The following TENT4B variants were observed in gnomAD, a reference collection of about 807,000 sequenced individuals.
TENT4B encodes the protein PAP associated domain containing 5.
A neutral mutation model predicts 75.0 loss-of-function variants in TENT4B; 10 were observed. The ratio of observed to expected loss-of-function variants is 0.13; its 90% CI spans 0.08 to 0.23. TENT4B has a LOEUF of 0.23. TENT4B is among the 10% of genes least tolerant of loss of function. TENT4B has a pLI of 1.00. For missense variants in TENT4B, 579 were observed against 893.8 expected (o/e 0.65, Z 4.49); for synonymous variants, 350 against 357.7 (o/e 0.98, Z 0.24).
Position 50,231,932 on chromosome 16 carries a change from A to G in TENT4B, c.*2604A>G. 2 of 979,298 alleles carry G rather than the reference A, an allele frequency of 2.0e-6. No homozygotes were observed. The highest frequency in any genetic ancestry group is 2.4e-6 in the Non-Finnish European group (2 of 824,328). 60.7% of individuals were successfully genotyped at this position (979,298 alleles called of 1,614,324 possible). On this transcript the variant is annotated 3_prime_UTR_variant, in exon 12 of 12. Transcript: ENST00000561678. The stretch of plus-strand genomic sequence containing the variant: ...CCTATATTTTGTGAATATATCAGAA[A>G]TGTGTCATTTATATATTAGAGTCCA...
At chr16:50,203,514 A>G (rs1596717133) in intron 1 of TENT4B, among the ~76,000 whole-genome samples, 1 of 152,220 alleles carries the variant, frequency 6.6e-6, no homozygotes, top group Admixed American at 6.5e-5. Flanking sequence ...TTACATGTTC[A>G]TTGTGAATAT....
chr16:50,202,210 C>A (rs2030698068), intron 1 of TENT4B, among the ~76,000 whole-genome samples: 1 of 152,096 alleles, frequency 6.6e-6, no homozygotes, highest in Non-Finnish European at 1.5e-5. Context: ...ATGTAGGAGT[C>A]CTTGAATGTA....
At chr16:50,175,473 T>C (rs985812143) in intron 1 of TENT4B, among the ~76,000 whole-genome samples, 1 of 152,160 alleles carries the variant, frequency 6.6e-6, no homozygotes, top group Non-Finnish European at 1.5e-5. Context: ...GTGAAAGATA[T>C]AAGATCTATG....
chr16:50,182,083 A>G (rs1289178155), intron 1 of TENT4B, among the ~76,000 whole-genome samples: 2 of 152,142 alleles, frequency 1.3e-5, no homozygotes, highest in African/African-American at 4.8e-5. Context: ...CCTAGGCAAC[A>G]TGGTGAAACC....
At position 50,229,880 on chromosome 16, in the gene TENT4B, A is replaced by C; in HGVS notation, c.*552A>C. 2.2e-6 allele frequency: 2 copies of C among 915,042 alleles called. No individual in the cohort carries two copies. Among genetic ancestry groups the C allele is most frequent in the Non-Finnish European group, 2.6e-6 (2 of 765,676 alleles). The allele number at this position is 915,042 out of a possible 1,614,324, so 56.7% of individuals were successfully genotyped here. A position where few individuals can be genotyped will look rare whatever the true frequency, so the allele number is the denominator to read the frequency against. On this transcript the variant is annotated 3_prime_UTR_variant, in exon 12 of 12. Transcript: ENST00000561678. ...GATATTTGTAATAGTGGATTTGTTA[A>C]TAATACTTTTTACATAACATTACTG...
In TENT4B at chr16:50,163,669, G is replaced by A. The variant is rs544944867; in HGVS notation, c.638+9410G>A. Among the ~76,000 whole-genome samples the A allele has an allele frequency of 1.4e-4, 21 of 151,214 alleles. No homozygotes were observed. In the South Asian group the frequency reaches 4.2e-3, roughly 30 times the overall value. On this transcript the variant is annotated intron_variant, in intron 1 of 11. Coordinates refer to ENST00000561678, the MANE Select transcript of TENT4B (RefSeq NM_001365324.3). ...CTGCCTCGGCCTCCCAAAGTACTGG[G>A]ATTACAGGCATGAGCCACCGCGCCC...
rs931443306 is a variant in TENT4B, at chr16:50,214,166, TATG to T, written c.763-52_763-50del. 8.1e-6 allele frequency: 11 copies of T among 1,351,370 alleles called. No individual in the cohort carries two copies. The Admixed American group carries it at 9.7e-5, about 12-fold the overall frequency. 83.7% of individuals were successfully genotyped at this position (1,351,370 alleles called of 1,614,324 possible). A position where few individuals can be genotyped will look rare whatever the true frequency, so the allele number is the denominator to read the frequency against. On this transcript the variant is annotated intron_variant, in intron 2 of 11. Transcript: ENST00000561678. ...ATTTCTCCATATCTTGGTGACTCAA[TATG>T]ATAACAACTTCTGATAACTCAATAT...
Position 50,234,217 on chromosome 16 carries a change from G to A in TENT4B, c.*4889G>A. The stretch of plus-strand genomic sequence containing the variant: ...GCCTGTAATCCCAGCACTTTGGGAG[G>A]CCGAAGCGGGAGGATGGCTTGAGGC... On this transcript the variant is annotated 3_prime_UTR_variant, in exon 12 of 12. Coordinates refer to ENST00000561678, the MANE Select transcript of TENT4B (RefSeq NM_001365324.3). 4.1e-6 allele frequency: 4 copies of A among 985,632 alleles called. No homozygotes were observed. The highest frequency in any genetic ancestry group is 4.8e-6 in the Non-Finnish European group (4 of 830,084). 61.1% of individuals were successfully genotyped at this position (985,632 alleles called of 1,614,324 possible).
intron 1 of TENT4B, among the ~76,000 whole-genome samples, chr16:50,190,318 T>C (rs2038616879): frequency 6.6e-6 from 1 of 151,922 alleles, no homozygotes; most frequent in African/African-American, 2.4e-5. Flanking sequence ...TGTAGTAAAA[T>C]ACATAAAACA....
chr16:50,225,440 G>A (rs1156545759), intron 10 of TENT4B, among the ~76,000 whole-genome samples, 155 bp downstream of exon 10: 2 of 150,842 alleles, frequency 1.3e-5, no homozygotes, highest in Admixed American at 1.3e-4. Flanking sequence ...TCAACATTTT[G>A]TTATGAAAAA....
intron 1 of TENT4B, among the ~76,000 whole-genome samples, chr16:50,198,857 T>G (rs1486325153): frequency 6.6e-6 from 1 of 152,342 alleles, no homozygotes; most frequent in South Asian, 2.1e-4. Context: ...GAAAGAACAC[T>G]TAAGACCTGA....
At chr16:50,163,288 C>A (rs1226063869) in intron 1 of TENT4B, among the ~76,000 whole-genome samples, 1 of 151,888 alleles carries the variant, frequency 6.6e-6, no homozygotes, top group African/African-American at 2.4e-5. Context: ...ATTTTAGTGT[C>A]CTTGTTCTTT....
chr16:50,231,574 G>A lies in TENT4B; in HGVS notation c.*2246G>A. ...GTGATTATATTAAGGTGGTGGTAGCGGGAAGATAATTCTGATTCCATTGGG... is the reference window on the plus strand; with the variant it reads ...GTGATTATATTAAGGTGGTGGTAGCAGGAAGATAATTCTGATTCCATTGGG... On this transcript the variant is annotated 3_prime_UTR_variant, in exon 12 of 12. Transcript: ENST00000561678. 8 of 985,752 alleles carry A rather than the reference G, an allele frequency of 8.1e-6. No homozygotes were observed. Among genetic ancestry groups the A allele is most frequent in the Middle Eastern group, 5.2e-4 (1 of 1,914 alleles). 61.1% of individuals were successfully genotyped at this position (985,752 alleles called of 1,614,324 possible). A position where few individuals can be genotyped will look rare whatever the true frequency, so the allele number is the denominator to read the frequency against.
intron 2 of TENT4B, 25 bp from the exon 3 acceptor site, chr16:50,214,196 A>C: frequency 6.5e-7 from 1 of 1,527,962 alleles, no homozygotes; most frequent in Non-Finnish European, 9.0e-7. Flanking sequence ...ACTCAATATA[A>C]TAACAACTTC....
chr16:50,225,098 G>A lies in TENT4B; in HGVS notation c.1613G>A (p.Gly538Glu). The A allele has an allele frequency of 6.2e-7, 1 of 1,610,484 alleles. No individual in the cohort carries two copies. ...LKNRPEPSCN[G>E]NGVTLIVDTQ... ...TTCCAATCTTTTGCCACTCTTTCAG[G>A]AAATGGTGTTACCTTGATAGTAGAT... Residue 538 changes from glycine (G) to glutamate (E), a missense_variant and splice_region_variant, in exon 10 of 12, where the codon GGA becomes GAA. Physicochemically the swap from Gly to Glu is moderately conservative, Grantham distance 98 (BLOSUM62 -2). Transcript: ENST00000561678.
Position 50,232,456 on chromosome 16 carries a change from C to A in TENT4B, c.*3128C>A. ...AGATCTGCACAGGGCAAAACATGGG[C>A]TATAGGGTGAGCATTTTTAATTGTC... On this transcript the variant is annotated 3_prime_UTR_variant, in exon 12 of 12. Coordinates refer to ENST00000561678, the MANE Select transcript of TENT4B (RefSeq NM_001365324.3). The A allele has an allele frequency of 1.0e-6, 1 of 985,292 alleles. No homozygotes were observed. The highest frequency in any genetic ancestry group is 1.2e-6 in the Non-Finnish European group (1 of 829,922). The allele number at this position is 985,292 out of a possible 1,614,324, so 61.0% of individuals were successfully genotyped here. A position where few individuals can be genotyped will look rare whatever the true frequency, so the allele number is the denominator to read the frequency against.
intron 6 of TENT4B, 99 bp downstream of exon 6, chr16:50,222,533 G>A: frequency 7.8e-7 from 1 of 1,285,552 alleles, no homozygotes; most frequent in Non-Finnish European, 1.1e-6. Context: ...ACCTGTAATT[G>A]CATTGCTTTC....
At chr16:50,218,444 C>G (rs986031003) in intron 5 of TENT4B, among the ~76,000 whole-genome samples, 1 of 152,026 alleles carries the variant, frequency 6.6e-6, no homozygotes, top group Non-Finnish European at 1.5e-5. Flanking sequence ...TCAAGCAATT[C>G]TTCTGCCTCA....
At chr16:50,178,566 T>C (rs1244440380) in intron 1 of TENT4B, among the ~76,000 whole-genome samples, 1 of 152,208 alleles carries the variant, frequency 6.6e-6, no homozygotes, top group Non-Finnish European at 1.5e-5. Context: ...TGTCCATCAA[T>C]GGATGAATAG....
Sources: gnomAD v4.1 joint callset for allele counts (sites outside exome capture counted in the v4.1 genomes callset) on GRCh38, gnomAD v4.1.1 for gene constraint, MANE v1.5 for transcripts, NCBI Gene and HGNC (gene_info 2026-07-23, HGNC 2026-07-21) for gene names.